The following KHDRBS3 variants were observed in gnomAD, a reference collection of about 807,000 sequenced individuals.
KHDRBS3 encodes the protein KH domain-containing, RNA-binding, signal transduction-associated protein 3.
In KHDRBS3, 23 loss-of-function variants were observed where a neutral mutation model predicts 45.6. That is an observed-to-expected ratio of 0.50 (90% CI 0.36 to 0.72). KHDRBS3 has a LOEUF of 0.72. Ranked by LOEUF, KHDRBS3 falls within the 30% of genes least tolerant of loss-of-function variation. The pLI, the probability that KHDRBS3 is intolerant of heterozygous loss-of-function variation, is 0.00. For synonymous variants in KHDRBS3, 162 were observed against 156.5 expected, an observed-to-expected ratio of 1.04 and a Z score of -0.26; for missense variants, 352 against 424.8, an observed-to-expected ratio of 0.83 and a Z score of 1.51.
intron 1 of KHDRBS3, among the ~76,000 whole-genome samples, chr8:135,472,730 T>C (rs1586564640): frequency 6.6e-6 from 1 of 152,204 alleles, no homozygotes; most frequent in East Asian, 1.9e-4. Flanking sequence ...TTGTGGGTAC[T>C]GAACAGGGAG....
intron 1 of KHDRBS3, among the ~76,000 whole-genome samples, chr8:135,517,991 G>T (rs1470450297): frequency 6.6e-6 from 1 of 152,080 alleles, no homozygotes; most frequent in Non-Finnish European, 1.5e-5. Context: ...ATCTGAAACT[G>T]TAATATGTGA....
chr8:135,472,462 G>C (rs1822064712), intron 1 of KHDRBS3, among the ~76,000 whole-genome samples: 1 of 152,220 alleles, frequency 6.6e-6, no homozygotes, highest in African/African-American at 2.4e-5. Context: ...AGTGCCCAGA[G>C]CTGTGTCTGA....
chr8:135,523,069 A>G (rs761653372), intron 2 of KHDRBS3, among the ~76,000 whole-genome samples: 9 of 152,280 alleles, frequency 5.9e-5, no homozygotes, highest in African/African-American at 1.9e-4. Flanking sequence ...AGGCTTTTAC[A>G]TAGTGAGACA....
intron 2 of KHDRBS3, among the ~76,000 whole-genome samples, chr8:135,527,218 G>T (rs926332214): frequency 1.3e-5 from 2 of 152,160 alleles, no homozygotes; most frequent in East Asian, 3.8e-4. Flanking sequence ...CTAAAAAACT[G>T]CCAGTTTTTT....
chr8:135,492,141 TAATTGTTTGGCAA>T (rs1823185471), intron 1 of KHDRBS3, among the ~76,000 whole-genome samples: 1 of 152,198 alleles, frequency 6.6e-6, no homozygotes, highest in Admixed American at 6.5e-5. Flanking sequence ...AGAATGCTGA[TAATTGTTTGGCAA>T]AATTCAGGGA....
At chr8:135,567,103 G>A (rs1214594434) in intron 5 of KHDRBS3, among the ~76,000 whole-genome samples, 3 of 152,166 alleles carry the variant, frequency 2.0e-5, no homozygotes, top group Non-Finnish European at 4.4e-5. Flanking sequence ...TAGCAGCTGA[G>A]TGGGGTTGGA....
At chr8:135,608,811 G>T (rs753997318) in intron 7 of KHDRBS3, among the ~76,000 whole-genome samples, 1 of 152,184 alleles carries the variant, frequency 6.6e-6, no homozygotes, top group Non-Finnish European at 1.5e-5. Context: ...GGGCTGTATG[G>T]TCTACCTGAA....
At chr8:135,516,546 A>G (rs1824611999) in intron 1 of KHDRBS3, among the ~76,000 whole-genome samples, 1 of 149,940 alleles carries the variant, frequency 6.7e-6, no homozygotes, top group Non-Finnish European at 1.5e-5. Context: ...CTGTGTGTAT[A>G]TAAGTAAACA....
At chr8:135,560,991 C>T (rs1018208443) in intron 5 of KHDRBS3, among the ~76,000 whole-genome samples, 13 of 152,208 alleles carry the variant, frequency 8.5e-5, no homozygotes, top group African/African-American at 2.7e-4. Flanking sequence ...GTCCTTTAAA[C>T]ACCTTGTTTC....
At chr8:135,625,083 A>C in intron 7 of KHDRBS3, 1 of 641,218 alleles carries the variant, frequency 1.6e-6, no homozygotes, top group Non-Finnish European at 2.6e-6. Context: ...GCTTATGAAA[A>C]GAAACCAGTG....
chr8:135,527,104 C>T lies in KHDRBS3; in HGVS notation c.207+5749C>T, dbSNP rs577627102. On this transcript the variant is annotated intron_variant, in intron 2 of 8. Coordinates refer to ENST00000355849, the MANE Select transcript of KHDRBS3 (RefSeq NM_006558.3). ...TTATTTTTTTATTCATTGGTTCATC[C>T]GTCAGTGGATCCGGCTCTGTCTATA... Among the ~76,000 whole-genome samples the T allele has an allele frequency of 2.2e-4, 33 of 152,126 alleles. 1 individual carries two copies. In the South Asian group the frequency reaches 2.5e-3, roughly 11 times the overall value.
At chr8:135,515,298 G>A (rs1824521474) in intron 1 of KHDRBS3, among the ~76,000 whole-genome samples, 1 of 144,754 alleles carries the variant, frequency 6.9e-6, no homozygotes, top group Non-Finnish European at 1.5e-5. Flanking sequence ...CCCGGGAGGC[G>A]GAGCTTGCAG....
intron 4 of KHDRBS3, among the ~76,000 whole-genome samples, chr8:135,555,578 G>A (rs761832678): frequency 3.3e-5 from 5 of 151,790 alleles, no homozygotes; most frequent in Non-Finnish European, 5.9e-5. Flanking sequence ...AGTATGTGGG[G>A]CTCTCACTTT....
intron 4 of KHDRBS3, among the ~76,000 whole-genome samples, chr8:135,655,039 TA>T (rs1280373659): frequency 6.6e-6 from 1 of 152,234 alleles, no homozygotes; most frequent in East Asian, 1.9e-4. Flanking sequence ...TCATCCCTTG[TA>T]TGCTCCTTGA....
chr8:135,633,044 G>A (rs1830668472), intron 7 of KHDRBS3, among the ~76,000 whole-genome samples: 1 of 38,596 alleles, frequency 2.6e-5, no homozygotes, highest in Non-Finnish European at 5.5e-5. Flanking sequence ...CAATCTCTTA[G>A]CTGCTCTAAC....
chr8:135,571,988 A>C (rs1029137973), intron 5 of KHDRBS3, among the ~76,000 whole-genome samples: 1 of 152,142 alleles, frequency 6.6e-6, no homozygotes, highest in African/African-American at 2.4e-5. Flanking sequence ...GATACTAAAA[A>C]CTGAATTCCT....
intron 3 of KHDRBS3, among the ~76,000 whole-genome samples, chr8:135,548,027 G>A (rs117285145): frequency 0.028 from 4,320 of 152,210 alleles, 100 homozygotes; most frequent in Non-Finnish European, 0.04. Flanking sequence ...ACGTAATAAA[G>A]TCTTTCATTT....
chr8:135,551,749 T>C (rs575845485), intron 4 of KHDRBS3, among the ~76,000 whole-genome samples: 3 of 152,242 alleles, frequency 2.0e-5, no homozygotes, highest in African/African-American at 7.2e-5. Flanking sequence ...ACTTATACTA[T>C]TTTGGGTGCC....
intron 3 of KHDRBS3, 54 bp downstream of exon 3, chr8:135,542,824 T>C: frequency 8.7e-7 from 1 of 1,143,286 alleles, no homozygotes; most frequent in Non-Finnish European, 1.3e-6. Context: ...TATTATGTGC[T>C]CTTATATTAT....
Sources: allele counts gnomAD v4.1 joint callset (sites outside exome capture counted in the v4.1 genomes callset), GRCh38; gene constraint gnomAD v4.1.1; transcripts MANE v1.5; gene names NCBI Gene and HGNC (gene_info 2026-07-23, HGNC 2026-07-21).